The following SI variants were observed in gnomAD, a reference collection of about 807,000 sequenced individuals.
SI encodes sucrase-isomaltase, intestinal.
A neutral mutation model predicts 253.3 loss-of-function variants in SI; 235 were observed. The ratio of observed to expected loss-of-function variants is 0.93; its 90% CI spans 0.83 to 1.03. The LOEUF is 1.03. Among genes scored for constraint, SI ranks in the 50% least tolerant of loss-of-function variants. The probability of loss-of-function intolerance (pLI) is 0.00; values close to 1 mark genes in which losing one functional copy is unlikely to be tolerated. For missense variants in SI, 2,442 were observed against 2,211.1 expected, an observed-to-expected ratio of 1.10 and a Z score of -2.09; for synonymous variants, 819 against 712.0, an observed-to-expected ratio of 1.15 and a Z score of -2.39.
At chr3:164,993,767 G>A (rs1186031985) in intron 41 of SI, among the ~76,000 whole-genome samples, 1 of 151,612 alleles carries the variant, frequency 6.6e-6, no homozygotes, top group African/African-American at 2.4e-5. Flanking sequence ...AGCTTTAAGA[G>A]GTGAATCCAA....
the SI span, among the ~76,000 whole-genome samples, chr3:165,086,505 A>C: frequency 6.6e-6 from 1 of 152,158 alleles, no homozygotes; most frequent in South Asian, 2.1e-4. Flanking sequence ...TTGTTAGGTT[A>C]ATTTGGCAAC....
intron 1 of SI, among the ~76,000 whole-genome samples, chr3:165,077,156 A>AT (rs1715049634): frequency 6.6e-6 from 1 of 151,378 alleles, no homozygotes; most frequent in South Asian, 2.1e-4. Flanking sequence ...TTATGCCTTC[A>AT]TTTTATCCCC....
chr3:165,023,931 G>T (rs1457838672), intron 25 of SI, among the ~76,000 whole-genome samples, 155 bp from the exon 26 acceptor site: 1 of 151,320 alleles, frequency 6.6e-6, no homozygotes, highest in African/African-American at 2.4e-5. Context: ...TATATTTTAT[G>T]CAATTTGGGA....
At chr3:165,088,286 C>T in the SI span, among the ~76,000 whole-genome samples, 4 of 151,978 alleles carry the variant, frequency 2.6e-5, no homozygotes, top group Non-Finnish European at 4.4e-5. Context: ...GCTAAGGTTG[C>T]AGTGAGCCCA....
intron 11 of SI, 42 bp downstream of exon 11, chr3:165,059,126 G>A (rs200873110): frequency 7.1e-6 from 9 of 1,262,954 alleles, no homozygotes; most frequent in Non-Finnish European, 7.4e-6. Context: ...TAACTTACAC[G>A]TGTAAACACT....
intron 12 of SI, among the ~76,000 whole-genome samples, chr3:165,055,905 G>A (rs1383831982): frequency 2.6e-5 from 4 of 152,052 alleles, no homozygotes; most frequent in Non-Finnish European, 4.4e-5. Flanking sequence ...GCCCAGAGAA[G>A]TTAAGTAAGT....
chr3:165,038,163 G>A (rs549785885), intron 20 of SI, 139 bp from the exon 21 acceptor site: 7 of 738,076 alleles, frequency 9.5e-6, no homozygotes, highest in African/African-American at 9.0e-5. Flanking sequence ...CTAACTTTAG[G>A]AGAATTTTTT....
At chr3:165,085,173 T>A in the SI span, among the ~76,000 whole-genome samples, 4 of 152,158 alleles carry the variant, frequency 2.6e-5, no homozygotes, top group African/African-American at 9.6e-5. Flanking sequence ...ACAATGATAG[T>A]AACTTATCAA....
chr3:165,080,766 G>T (rs142452526), upstream of SI, among the ~76,000 whole-genome samples: 132 of 152,082 alleles, frequency 8.7e-4, 1 homozygote, highest in Middle Eastern at 0.017. Flanking sequence ...GTGGAGGAAG[G>T]GGGGAGGGAT....
At chr3:164,980,131 G>A (rs1717111294) in intron 47 of SI, among the ~76,000 whole-genome samples, 1 of 151,774 alleles carries the variant, frequency 6.6e-6, no homozygotes, top group Non-Finnish European at 1.5e-5. Flanking sequence ...CAAGAGAAGG[G>A]GAGGTGAATC....
intron 5 of SI, 60 bp downstream of exon 5, chr3:165,068,662 C>A (rs934575064): frequency 8.0e-7 from 1 of 1,252,972 alleles, no homozygotes; most frequent in Admixed American, 1.7e-5. Context: ...CGTGAGCCAC[C>A]GCGCCCAGCC....
intron 16 of SI, among the ~76,000 whole-genome samples, chr3:165,045,571 T>C (rs1253725851): frequency 6.6e-6 from 1 of 151,956 alleles, no homozygotes; most frequent in Non-Finnish European, 1.5e-5. Context: ...GTTTACATTG[T>C]ATTAATTTTT....
At chr3:165,076,090 A>G (rs1432911627) in intron 1 of SI, 78 bp from the exon 2 acceptor site, 4 of 1,094,694 alleles carry the variant, frequency 3.7e-6, no homozygotes, top group Non-Finnish European at 5.1e-6. Context: ...TCATGAAATT[A>G]CATATTCTTT....
At chr3:164,985,071 A>G (rs764387428) in intron 45 of SI, among the ~76,000 whole-genome samples, 6 of 152,200 alleles carry the variant, frequency 3.9e-5, no homozygotes, top group Non-Finnish European at 7.3e-5. Flanking sequence ...TGAGGAGATC[A>G]TAGAGAAATA....
chr3:164,998,763 T>TC, intron 37 of SI, 90 bp from the exon 38 acceptor site: 1 of 1,056,520 alleles, frequency 9.5e-7, no homozygotes, highest in Non-Finnish European at 1.5e-6. Flanking sequence ...AAAAAAATAG[T>TC]GATTTGTGGT....
intron 34 of SI, 32 bp downstream of exon 34, chr3:165,012,948 C>T (rs757085389): frequency 1.5e-6 from 2 of 1,336,608 alleles, no homozygotes; most frequent in South Asian, 2.3e-5. Flanking sequence ...TGAATTTCTT[C>T]TCATTGTATA....
chr3:165,060,114 T>C, intron 9 of SI, 87 bp from the exon 10 acceptor site: 1 of 1,131,612 alleles, frequency 8.8e-7, no homozygotes, highest in Non-Finnish European at 1.3e-6. Context: ...TCTTATTTTC[T>C]TATATCTCTA....
chr3:165,075,599 T>C (rs893367138), intron 2 of SI, among the ~76,000 whole-genome samples: 2 of 151,966 alleles, frequency 1.3e-5, no homozygotes, highest in African/African-American at 2.4e-5. Flanking sequence ...CTCACACCAG[T>C]AGGCGATTAT....
chr3:165,065,174 A>C, intron 7 of SI, 87 bp downstream of exon 7: 1 of 879,132 alleles, frequency 1.1e-6, no homozygotes, highest in Non-Finnish European at 1.9e-6. Context: ...TTGATCAGTT[A>C]AAATAAATGC....
Sources: allele counts gnomAD v4.1 joint callset (sites outside exome capture counted in the v4.1 genomes callset), GRCh38; gene constraint gnomAD v4.1.1; transcripts MANE v1.5; gene names NCBI Gene and HGNC (gene_info 2026-07-23, HGNC 2026-07-21).